The following BRINP1 variants were observed in gnomAD, a reference collection of about 807,000 sequenced individuals.
BRINP1 encodes the protein BMP/retinoic acid inducible neural specific 1.
In BRINP1, 17 loss-of-function variants were observed where a neutral mutation model predicts 72.9. That is an observed-to-expected ratio of 0.23 (90% CI 0.16 to 0.35). BRINP1 has a LOEUF of 0.35. Ranked by LOEUF, BRINP1 falls within the 10% of genes least tolerant of loss-of-function variation. The pLI is 1.00. For missense variants in BRINP1, 850 were observed against 1,001.6 expected (o/e 0.85, Z 2.04); for synonymous variants, 418 against 378.5 (o/e 1.10, Z -1.21).
chr9:119,242,404 A>C (rs984755627), intron 3 of BRINP1, among the ~76,000 whole-genome samples, 188 bp from the exon 4 acceptor site: 1 of 152,208 alleles, frequency 6.6e-6, no homozygotes, highest in Non-Finnish European at 1.5e-5. Context: ...ACCAGGCTTC[A>C]TTAGGACAAG....
At chr9:119,312,207 T>G (rs1394106748) in intron 2 of BRINP1, among the ~76,000 whole-genome samples, 1 of 152,234 alleles carries the variant, frequency 6.6e-6, no homozygotes, top group Non-Finnish European at 1.5e-5. Context: ...CCATGTGATA[T>G]TATAACTAGT....
At chr9:119,220,449 C>T (rs781067497) in intron 5 of BRINP1, among the ~76,000 whole-genome samples, 1 of 152,146 alleles carries the variant, frequency 6.6e-6, no homozygotes, top group Non-Finnish European at 1.5e-5. Context: ...GATTATAGCC[C>T]AATCTTCATC....
intron 7 of BRINP1, among the ~76,000 whole-genome samples, chr9:119,175,816 ACT>A (rs1829482154): frequency 6.6e-6 from 1 of 151,346 alleles, no homozygotes; most frequent in Non-Finnish European, 1.5e-5. Context: ...CTACCAATAA[ACT>A]CTTGTGTGTC....
chr9:119,242,982 T>C (rs116315670), intron 3 of BRINP1, among the ~76,000 whole-genome samples: 14,304 of 147,450 alleles, frequency 0.097, 874 homozygotes, highest in African/African-American at 0.18. Context: ...CTTTTTTCTT[T>C]TTTTTTTTTT....
chr9:119,267,307 C>T (rs1830557282), intron 2 of BRINP1, among the ~76,000 whole-genome samples: 1 of 152,024 alleles, frequency 6.6e-6, no homozygotes, highest in Non-Finnish European at 1.5e-5. Flanking sequence ...GAAAAAGCAA[C>T]CAAGAATCCA....
intron 5 of BRINP1, among the ~76,000 whole-genome samples, chr9:119,216,419 T>C (rs1489314897): frequency 6.6e-6 from 1 of 152,130 alleles, no homozygotes; most frequent in Non-Finnish European, 1.5e-5. Context: ...AGTGACTGTT[T>C]GGGAGGGCTA....
At chr9:119,234,366 G>C (rs983158584) in intron 5 of BRINP1, among the ~76,000 whole-genome samples, 3 of 152,084 alleles carry the variant, frequency 2.0e-5, no homozygotes, top group Non-Finnish European at 4.4e-5. Context: ...TTCCTGACTA[G>C]GAGAGTTGAG....
Position 119,356,070 on chromosome 9 carries a change from T to A in BRINP1, c.-51+12986A>T, listed in dbSNP as rs537655535. Among the ~76,000 whole-genome samples, 135 of 152,230 alleles carry A rather than the reference T, an allele frequency of 8.9e-4. 1 individual carries two copies. The highest frequency in any genetic ancestry group is 3.1e-3 in the African/African-American group (130 of 41,526). On this transcript the variant is annotated intron_variant, in intron 1 of 7. Transcript: ENST00000265922. ...TAACCCCTGCTTTCACAATAATGTA[T>A]CTCTTCTTTCTCCCCCTACTTCCTA...
intron 7 of BRINP1, among the ~76,000 whole-genome samples, chr9:119,169,439 G>A (rs917879063): frequency 3.3e-5 from 5 of 152,112 alleles, no homozygotes; most frequent in Non-Finnish European, 5.9e-5. Context: ...AAAAAACGGC[G>A]CACCGCGAGA....
intron 2 of BRINP1, among the ~76,000 whole-genome samples, chr9:119,265,186 C>T (rs759570853): frequency 3.9e-5 from 6 of 152,128 alleles, no homozygotes; most frequent in South Asian, 2.1e-4. Context: ...TGTATCACCC[C>T]GAACTAAAAT....
chr9:119,321,495 TA>T (rs1424531311), intron 1 of BRINP1, among the ~76,000 whole-genome samples: 22 of 152,298 alleles, frequency 1.4e-4, no homozygotes, highest in Admixed American at 3.9e-4. Context: ...TTTATTTATT[TA>T]TTTTTTAGTT....
chr9:119,307,736 C>T (rs760746133), intron 2 of BRINP1, among the ~76,000 whole-genome samples: 1 of 152,138 alleles, frequency 6.6e-6, no homozygotes, highest in Non-Finnish European at 1.5e-5. Context: ...GTCTGCTCAC[C>T]AGAATTTCAA....
At chr9:119,173,516 A>G (rs1374041255) in intron 7 of BRINP1, among the ~76,000 whole-genome samples, 5 of 152,212 alleles carry the variant, frequency 3.3e-5, no homozygotes, top group African/African-American at 9.7e-5. Flanking sequence ...TTCCATGCTC[A>G]TGGGTAGGAA....
In BRINP1 at chr9:119,317,862, T is replaced by G. The variant is rs185063771; in HGVS notation, c.-50-4457A>C. ...ACTTCAGATGATCATTAGCCTTTTT[T>G]TAGTAATAAAGTGTTTTTAATAAAG... is the stretch of plus-strand genomic sequence containing the variant. On this transcript the variant is annotated intron_variant, in intron 1 of 7. Coordinates refer to ENST00000265922, the MANE Select transcript of BRINP1 (RefSeq NM_014618.3). 8.5e-4 allele frequency among the ~76,000 whole-genome samples: 130 copies of G among 152,298 alleles called. 1 individual carries two copies. The highest frequency in any genetic ancestry group is 1.4e-3 in the Non-Finnish European group (96 of 68,036).
chr9:119,335,896 G>A (rs1220556940), intron 1 of BRINP1, among the ~76,000 whole-genome samples: 1 of 152,148 alleles, frequency 6.6e-6, no homozygotes, highest in Non-Finnish European at 1.5e-5. Context: ...TCTTATTCCT[G>A]ATGGCCCATA....
At chr9:119,356,780 G>A (rs1022666012) in intron 1 of BRINP1, among the ~76,000 whole-genome samples, 10 of 151,214 alleles carry the variant, frequency 6.6e-5, no homozygotes, top group Admixed American at 6.6e-4. Context: ...ACTCCAGCCT[G>A]GGCAACAGAG....
chr9:119,175,143 A>G (rs963807128), intron 7 of BRINP1, among the ~76,000 whole-genome samples: 15 of 148,670 alleles, frequency 1.0e-4, no homozygotes, highest in African/African-American at 3.7e-4. Flanking sequence ...GACAAAAAAA[A>G]AAAGAAAATG....
At chr9:119,367,467 A>G (rs1831707646) in intron 1 of BRINP1, among the ~76,000 whole-genome samples, 1 of 151,852 alleles carries the variant, frequency 6.6e-6, no homozygotes, top group South Asian at 2.1e-4. Flanking sequence ...AACAGCAGTA[A>G]AACTCAGCAT....
rs75392657 is a variant in BRINP1, at chr9:119,322,375, C to T, written c.-50-8970G>A. ...TGAGCACGTGGGGCCCTTGGCTGAA[C>T]TGTGCTATATATAAGCCTGCAGTGT... On this transcript the variant is annotated intron_variant, in intron 1 of 7. Transcript: ENST00000265922. Among the ~76,000 whole-genome samples the T allele has an allele frequency of 9.2e-3, 1,404 of 152,320 alleles. 18 individuals are homozygous for T. The highest frequency in any genetic ancestry group is 0.029 in the African/African-American group (1,218 of 41,570).
Sources: allele counts gnomAD v4.1 joint callset (sites outside exome capture counted in the v4.1 genomes callset), GRCh38; gene constraint gnomAD v4.1.1; transcripts MANE v1.5; gene names NCBI Gene and HGNC (gene_info 2026-07-23, HGNC 2026-07-21).